Variants in FAM178B observed in about 807,000 individuals in gnomAD.
FAM178B encodes family with sequence similarity 178 member B, also known as protein FAM178B.
FAM178B carries 82 observed loss-of-function variants against 91.7 expected under a neutral mutation model. The observed-to-expected ratio is 0.89, with a 90% confidence interval of 0.75 to 1.07. The LOEUF (loss-of-function observed/expected upper bound fraction) is 1.07. FAM178B is among the 50% of genes least tolerant of loss of function. The probability of loss-of-function intolerance (pLI) is 0.00; values close to 1 mark genes in which losing one functional copy is unlikely to be tolerated. For missense variants in FAM178B, 769 were observed against 846.7 expected (o/e 0.91, Z 1.14); for synonymous variants, 368 against 359.4 (o/e 1.02, Z -0.27).
chr2:96,972,525 G>T lies in FAM178B; in HGVS notation c.142+13C>A. 6.4e-7 allele frequency: 1 copy of T among 1,551,490 alleles called. No homozygotes were observed. On this transcript the variant is annotated intron_variant, in intron 2 of 16. Coordinates refer to ENST00000490605, the MANE Select transcript of FAM178B (RefSeq NM_001122646.3). ...TCAGTGGGGATTTACCTGTGCAGGT[G>T]AGAGACGCCTACCTTCTCTCAGAGG...
At chr2:96,936,453 G>A (rs904139795) in intron 8 of FAM178B, among the ~76,000 whole-genome samples, 11 of 150,196 alleles carry the variant, frequency 7.3e-5, no homozygotes, top group Non-Finnish European at 1.0e-4. Flanking sequence ...TGCCCGCCTT[G>A]GCCTCCCAAA....
At chr2:96,962,317 C>G (rs796974128) in intron 5 of FAM178B, among the ~76,000 whole-genome samples, 10 of 151,048 alleles carry the variant, frequency 6.6e-5, no homozygotes, top group African/African-American at 2.4e-4. Flanking sequence ...GAAGAAAATA[C>G]AAAAGGGAGG....
At chr2:96,930,440 C>A (rs987800468) in intron 8 of FAM178B, among the ~76,000 whole-genome samples, 4 of 152,170 alleles carry the variant, frequency 2.6e-5, no homozygotes, top group African/African-American at 9.7e-5. Flanking sequence ...AGCTCCCACA[C>A]CTCATCCAGG....
At chr2:96,945,316 C>G (rs2153372893) in intron 8 of FAM178B, among the ~76,000 whole-genome samples, 1 of 152,260 alleles carries the variant, frequency 6.6e-6, no homozygotes, top group Non-Finnish European at 1.5e-5. Context: ...CTCGGGCCCT[C>G]AGCCCCAGTC....
chr2:96,893,945 C>CTA lies in FAM178B; in HGVS notation c.1755_1756dup (p.Ser586IlefsTer5). Reference sequence around the variant, plus strand: ...ACTCACCTTGTGGTCTAGCTCGGCACTAGCCTTTGGCTGTTGCTCCTGGCA... The same window carrying CTA: ...ACTCACCTTGTGGTCTAGCTCGGCACTATAGCCTTTGGCTGTTGCTCCTGGCA... On this transcript the variant is annotated frameshift_variant, in exon 14 of 17. Coordinates refer to ENST00000490605, the MANE Select transcript of FAM178B (RefSeq NM_001122646.3). LOFTEE classifies it high-confidence loss of function. 1 of 1,612,822 alleles carries CTA rather than the reference C, an allele frequency of 6.2e-7. No individual in the cohort carries two copies. The highest frequency in any genetic ancestry group is 1.7e-5 in the Admixed American group (1 of 59,972).
At chr2:96,899,311 G>A (rs927652417) in intron 13 of FAM178B, among the ~76,000 whole-genome samples, 20 of 152,220 alleles carry the variant, frequency 1.3e-4, no homozygotes, top group East Asian at 5.8e-4. Flanking sequence ...CACTATGGCC[G>A]TGGCCGACTT....
chr2:96,906,586 C>T (rs573552974), intron 12 of FAM178B, among the ~76,000 whole-genome samples: 3 of 152,266 alleles, frequency 2.0e-5, no homozygotes, highest in Admixed American at 2.0e-4. Flanking sequence ...ACACTGAGCA[C>T]TGAGGAAAGG....
chr2:96,904,698 G>T (rs1488292232), intron 12 of FAM178B, among the ~76,000 whole-genome samples: 1 of 151,818 alleles, frequency 6.6e-6, no homozygotes, highest in East Asian at 1.9e-4. Flanking sequence ...CCAGCCAACA[G>T]GGTCTCATTT....
At chr2:96,901,437 G>C (rs2080930616) in intron 13 of FAM178B, among the ~76,000 whole-genome samples, 1 of 152,066 alleles carries the variant, frequency 6.6e-6, no homozygotes, top group Admixed American at 6.6e-5. Flanking sequence ...GCCTCCCAAA[G>C]TGCTGGGATT....
rs1022177892 is a variant in FAM178B, at chr2:96,889,657, G to T, written c.1776+4269C>A. On this transcript the variant is annotated intron_variant, in intron 14 of 16. Coordinates refer to ENST00000490605, the MANE Select transcript of FAM178B (RefSeq NM_001122646.3). ...TGTGCCATTGCACTCCAGCCTGGGT[G>T]ACAGAGCAAGACTCTGTCTCAAATA... Among the ~76,000 whole-genome samples the T allele has an allele frequency of 4.0e-5, 6 of 149,560 alleles. No homozygotes were observed. The Admixed American group carries it at 4.0e-4, about 10-fold the overall frequency.
chr2:96,884,176 C>T (rs928819540), intron 14 of FAM178B, among the ~76,000 whole-genome samples: 10 of 152,158 alleles, frequency 6.6e-5, no homozygotes, highest in African/African-American at 2.4e-4. Context: ...CCTGGGACCC[C>T]GCCTTCAGCA....
At chr2:96,897,671 C>T (rs1392090200) in intron 13 of FAM178B, among the ~76,000 whole-genome samples, 3 of 152,234 alleles carry the variant, frequency 2.0e-5, no homozygotes, top group African/African-American at 7.2e-5. Flanking sequence ...TCTCACCGCC[C>T]ACGCTGCTGT....
At chr2:96,947,077 C>T (rs1436277894) in intron 8 of FAM178B, among the ~76,000 whole-genome samples, 2 of 152,194 alleles carry the variant, frequency 1.3e-5, no homozygotes, top group African/African-American at 2.4e-5. Flanking sequence ...GGGGTCTGAC[C>T]ACCTGGGAGT....
intron 5 of FAM178B, among the ~76,000 whole-genome samples, chr2:96,966,442 C>T (rs1164213215): frequency 6.6e-6 from 1 of 152,206 alleles, no homozygotes; most frequent in African/African-American, 2.4e-5. Context: ...CTCAGGAGCC[C>T]TTGCAGCACA....
intron 8 of FAM178B, among the ~76,000 whole-genome samples, chr2:96,942,660 G>A (rs2081754010): frequency 6.6e-6 from 1 of 152,152 alleles, no homozygotes; most frequent in African/African-American, 2.4e-5. Context: ...CTCCCAAAGT[G>A]CTGGGATTAC....
chr2:96,976,936 G>A (rs1406719084), intron 1 of FAM178B, among the ~76,000 whole-genome samples: 5 of 151,370 alleles, frequency 3.3e-5, no homozygotes, highest in Non-Finnish European at 7.4e-5. Context: ...GTTCACACCT[G>A]TAATCCCCAG....
At position 96,970,777 on chromosome 2, in the gene FAM178B, A is replaced by G. The variant is rs574665490; in HGVS notation, c.565T>C (p.Phe189Leu). 1.3e-6 allele frequency: 2 copies of G among 1,550,392 alleles called. No homozygotes were observed. Among genetic ancestry groups the G allele is most frequent in the South Asian group, 1.2e-5 (1 of 84,036 alleles). ...GLSQQAAAPE[F>L]SWGGSGSYFN... Reference sequence around the variant, plus strand: ...TAGCTTCCTGAGCCCCCCCAGGAAAACTGGAGAAACAGGACATGGGAATGA... The same window carrying G: ...TAGCTTCCTGAGCCCCCCCAGGAAAGCTGGAGAAACAGGACATGGGAATGA... Residue 189 changes from phenylalanine (F) to leucine (L), a missense_variant and splice_region_variant, in exon 4 of 17, where the codon TTT becomes CTT. Coordinates refer to ENST00000490605, the MANE Select transcript of FAM178B (RefSeq NM_001122646.3).
chr2:96,968,220 A>G (rs998524498), intron 4 of FAM178B, among the ~76,000 whole-genome samples: 12 of 151,962 alleles, frequency 7.9e-5, no homozygotes, highest in African/African-American at 2.9e-4. Flanking sequence ...CACTTAGGGC[A>G]GCCCCTCTGC....
At chr2:96,977,452 ATTT>A (rs558867160) in intron 1 of FAM178B, among the ~76,000 whole-genome samples, 6 of 135,378 alleles carry the variant, frequency 4.4e-5, no homozygotes, top group Admixed American at 7.5e-5. Flanking sequence ...CCTTTTGGGA[ATTT>A]TTTTTTTTTT....
Sources: allele counts gnomAD v4.1 joint callset (sites outside exome capture counted in the v4.1 genomes callset), GRCh38; gene constraint gnomAD v4.1.1; transcripts MANE v1.5; gene names NCBI Gene and HGNC (gene_info 2026-07-23, HGNC 2026-07-21).